CTNNA2: variants seen among roughly 807,000 people sequenced by gnomAD.
CTNNA2 encodes the protein catenin alpha-2.
Under a neutral mutation model 101.0 loss-of-function variants are expected in CTNNA2, and 42 were observed. The ratio of observed to expected loss-of-function variants is 0.42; its 90% CI spans 0.32 to 0.54. CTNNA2 has a LOEUF of 0.54. Among genes scored for constraint, CTNNA2 ranks in the 20% least tolerant of loss-of-function variants. CTNNA2 has a pLI of 0.14. For missense variants in CTNNA2, 871 were observed against 1,223.1 expected (o/e 0.71, Z 4.29); for synonymous variants, 450 against 456.4 (o/e 0.99, Z 0.18).
At chr2:80,039,586 G>A (rs112916807) in intron 7 of CTNNA2, among the ~76,000 whole-genome samples, 76 of 152,324 alleles carry the variant, frequency 5.0e-4, no homozygotes, top group African/African-American at 1.8e-3. Flanking sequence ...CCCATCTTCC[G>A]TCTGACTCCA....
intron 3 of CTNNA2, among the ~76,000 whole-genome samples, chr2:79,820,887 G>A (rs1343694354): frequency 1.3e-5 from 2 of 152,058 alleles, no homozygotes; most frequent in African/African-American, 2.4e-5. Flanking sequence ...CATGAGAAAG[G>A]GTTGTTCCAA....
intron 2 of CTNNA2, among the ~76,000 whole-genome samples, chr2:79,273,283 A>C (rs753841015): frequency 1.3e-5 from 2 of 152,134 alleles, no homozygotes; most frequent in African/African-American, 2.4e-5. Flanking sequence ...ATAAAGACTG[A>C]AACACAGAGA....
chr2:80,206,890 G>A (rs1707568093), intron 7 of CTNNA2, among the ~76,000 whole-genome samples: 1 of 152,174 alleles, frequency 6.6e-6, no homozygotes, highest in African/African-American at 2.4e-5. Context: ...AGCTGGTCTG[G>A]AGAAAGGCTG....
chr2:80,405,318 A>C (rs1678959897), intron 8 of CTNNA2, among the ~76,000 whole-genome samples: 1 of 152,156 alleles, frequency 6.6e-6, no homozygotes, highest in Non-Finnish European at 1.5e-5. Flanking sequence ...AATAAGATTA[A>C]ATTTCTTGCT....
chr2:80,499,571 C>G (rs1180677015), intron 9 of CTNNA2, among the ~76,000 whole-genome samples: 2 of 151,826 alleles, frequency 1.3e-5, no homozygotes, highest in African/African-American at 4.8e-5. Flanking sequence ...GCCTGTAATC[C>G]CAGCACTTTG....
At chr2:79,616,462 G>A (rs750742296) in intron 1 of CTNNA2, among the ~76,000 whole-genome samples, 1 of 152,084 alleles carries the variant, frequency 6.6e-6, no homozygotes. Context: ...TTTTTAGTTT[G>A]AGCTTATCAC....
chr2:79,504,100 C>T (rs553879065), intron 4 of CTNNA2, among the ~76,000 whole-genome samples: 65 of 152,026 alleles, frequency 4.3e-4, no homozygotes, highest in African/African-American at 1.3e-3. Flanking sequence ...CAAGTGAGGA[C>T]GATATTAACT....
chr2:79,382,454 T>C (rs751590574), intron 4 of CTNNA2, among the ~76,000 whole-genome samples: 6 of 152,084 alleles, frequency 3.9e-5, no homozygotes, highest in Non-Finnish European at 7.4e-5. Flanking sequence ...TCCCAACAAA[T>C]ACATGCTATT....
intron 4 of CTNNA2, among the ~76,000 whole-genome samples, chr2:79,440,899 G>C (rs1382588349): frequency 6.6e-6 from 1 of 152,106 alleles, no homozygotes. Flanking sequence ...TCCTATCCTT[G>C]ATGCTCTCCA....
intron 1 of CTNNA2, among the ~76,000 whole-genome samples, chr2:79,579,282 C>A (rs536158398): frequency 2.1e-5 from 3 of 145,254 alleles, no homozygotes; most frequent in African/African-American, 5.1e-5. Flanking sequence ...TTCCTTCCTT[C>A]CCCTGCTACT....
intron 9 of CTNNA2, among the ~76,000 whole-genome samples, chr2:80,425,380 C>T (rs924456489): frequency 6.6e-6 from 1 of 151,936 alleles, no homozygotes; most frequent in Non-Finnish European, 1.5e-5. Context: ...GGAAATTTTG[C>T]GACTTACATA....
intron 4 of CTNNA2, among the ~76,000 whole-genome samples, chr2:79,418,507 A>T (rs1485405513): frequency 6.6e-6 from 1 of 152,152 alleles, no homozygotes; most frequent in Non-Finnish European, 1.5e-5. Context: ...TCTCACTGTT[A>T]TAATTTTTGC....
At chr2:80,179,767 T>C (rs1230053056) in intron 7 of CTNNA2, among the ~76,000 whole-genome samples, 3 of 152,182 alleles carry the variant, frequency 2.0e-5, no homozygotes, top group African/African-American at 7.2e-5. Context: ...ATTTACTATC[T>C]TTCTAGGTAG....
At chr2:80,202,182 C>A (rs540350079) in intron 7 of CTNNA2, among the ~76,000 whole-genome samples, 2 of 152,262 alleles carry the variant, frequency 1.3e-5, no homozygotes, top group South Asian at 2.1e-4. Context: ...GTATTAATTT[C>A]TTTTCCTATT....
chr2:80,060,787 G>A (rs1223372891), intron 7 of CTNNA2, among the ~76,000 whole-genome samples: 1 of 152,140 alleles, frequency 6.6e-6, no homozygotes, highest in African/African-American at 2.4e-5. Context: ...CTCCCTGTCA[G>A]GGCCAAGGCA....
intron 15 of CTNNA2, among the ~76,000 whole-genome samples, chr2:80,594,573 A>G (rs551179574): frequency 6.6e-6 from 1 of 151,902 alleles, no homozygotes; most frequent in East Asian, 1.9e-4. Flanking sequence ...GCAAGAAATT[A>G]TTACCAAATC....
intron 4 of CTNNA2, among the ~76,000 whole-genome samples, chr2:79,446,386 T>C (rs2104523083): frequency 6.6e-6 from 1 of 152,156 alleles, no homozygotes; most frequent in East Asian, 1.9e-4. Context: ...AGAAAAAAAC[T>C]TCTACTCAGA....
Position 79,262,579 on chromosome 2 carries a change from C to T in CTNNA2, c.-405-50130C>T, listed in dbSNP as rs148707698. Among the ~76,000 whole-genome samples the T allele has an allele frequency of 7.9e-4, 120 of 152,066 alleles. No homozygotes were observed. In the East Asian group the frequency reaches 0.014, roughly 17 times the overall value. ...AACTTAGAGATAATCTCTAATTCAG[C>T]GGCTCCCAAAGTATGTGTCTCAGAT... is the stretch of plus-strand genomic sequence containing the variant. On this transcript the variant is annotated intron_variant, in intron 2 of 21. Transcript: ENST00000466387.
chr2:80,165,415 T>C (rs1233232055), intron 7 of CTNNA2, among the ~76,000 whole-genome samples: 1 of 152,178 alleles, frequency 6.6e-6, no homozygotes, highest in Non-Finnish European at 1.5e-5. Flanking sequence ...TTCTAAAAGT[T>C]ACATGTAGTT....
Sources: allele counts gnomAD v4.1 joint callset (sites outside exome capture counted in the v4.1 genomes callset), GRCh38; gene constraint gnomAD v4.1.1; transcripts MANE v1.5; gene names NCBI Gene and HGNC (gene_info 2026-07-23, HGNC 2026-07-21).